RARA: variants seen among roughly 807,000 people sequenced by gnomAD.
RARA encodes the protein PML-DDX5-RARA fusion.
In RARA, 5 loss-of-function variants were observed where a neutral mutation model predicts 42.8. The observed-to-expected ratio is 0.12, with a 90% CI of 0.06 to 0.25. The LOEUF is 0.25. Ranked by LOEUF, RARA falls within the 10% of genes least tolerant of loss-of-function variation. The pLI, the probability that RARA is intolerant of heterozygous loss-of-function variation, is 1.00. For missense variants in RARA, 402 were observed against 628.7 expected (o/e 0.64, Z 3.86); for synonymous variants, 256 against 259.5 (o/e 0.99, Z 0.13).
chr17:40,353,504 C>A (rs540360441), intron 6 of RARA, among the ~76,000 whole-genome samples: 1 of 152,286 alleles, frequency 6.6e-6, no homozygotes, highest in East Asian at 1.9e-4. Context: ...GGCTGGAGTG[C>A]AGTAGTATGA....
intron 1 of RARA, among the ~76,000 whole-genome samples, chr17:40,309,554 C>T (rs1036926221): frequency 2.0e-5 from 3 of 152,324 alleles, no homozygotes; most frequent in Admixed American, 1.3e-4. Context: ...AAGGTCTGCC[C>T]AGGCCCCACG....
In RARA at chr17:40,351,350, C is replaced by T. The variant is rs951208745; in HGVS notation, c.470-560C>T. The stretch of plus-strand genomic sequence containing the variant: ...AACGACCCCATCGCTTCTTTAAAGC[C>T]GAGTGGTGTGTGCGGCTCAGCGCCC... On this transcript the variant is annotated intron_variant, in intron 4 of 8. Transcript: ENST00000254066. The surrounding 1 kb of genome is among the most constrained non-coding windows in gnomAD (Gnocchi z 4.1). 13 of 338,250 alleles carry T rather than the reference C, an allele frequency of 3.8e-5. No individual in the cohort carries two copies. Among genetic ancestry groups the T allele is most frequent in the Admixed American group, 7.7e-5 (2 of 26,004 alleles). 21.0% of individuals were successfully genotyped at this position (338,250 alleles called of 1,614,324 possible). A position where few individuals can be genotyped will look rare whatever the true frequency, so the allele number is the denominator to read the frequency against.
At chr17:40,334,411 C>G (rs1174572424) in intron 2 of RARA, among the ~76,000 whole-genome samples, 2 of 152,206 alleles carry the variant, frequency 1.3e-5, no homozygotes, top group Non-Finnish European at 2.9e-5. Context: ...GAGCTTCTCA[C>G]TGACCTTCCT....
chr17:40,333,642 C>CT (rs879495055), intron 2 of RARA, among the ~76,000 whole-genome samples: 78 of 141,604 alleles, frequency 5.5e-4, no homozygotes, highest in South Asian at 1.8e-3. Context: ...GGCTTTCTTT[C>CT]TTTTTTTTTT....
chr17:40,329,535 G>T (rs535521000), intron 1 of RARA, among the ~76,000 whole-genome samples: 1 of 152,256 alleles, frequency 6.6e-6, no homozygotes, highest in South Asian at 2.1e-4. Context: ...GGTCAGGCTG[G>T]TCTCAAACTC....
chr17:40,342,444 G>A, intron 2 of RARA: 2 of 1,202,134 alleles, frequency 1.7e-6, no homozygotes, highest in Non-Finnish European at 2.1e-6. Flanking sequence ...CCCGGGCCCC[G>A]CCAGGCTTCC....
intron 2 of RARA, chr17:40,342,986 T>G: frequency 1.4e-6 from 2 of 1,469,078 alleles, no homozygotes; most frequent in East Asian, 4.8e-5. Flanking sequence ...TACCTTTCAC[T>G]TAACCCGTGT....
At chr17:40,342,812 C>G in intron 2 of RARA, 1 of 1,613,082 alleles carries the variant, frequency 6.2e-7, no homozygotes, top group Non-Finnish European at 8.5e-7. Flanking sequence ...GGCTCCCCGC[C>G]CCGGGTCCGT....
chr17:40,314,873 G>T (rs1264319045), intron 1 of RARA, among the ~76,000 whole-genome samples: 1 of 151,876 alleles, frequency 6.6e-6, no homozygotes, highest in Non-Finnish European at 1.5e-5. Flanking sequence ...CTTGTGGTGG[G>T]GGTGGAGGGC....
In RARA at chr17:40,355,453, C is replaced by G. The variant is rs765217779; in HGVS notation, c.1171+32C>G. ...CTCACAGACCTGGAGGGGTACCGGC[C>G]CCCGACACCTGGCCCAGGCCCCCAC... On this transcript the variant is annotated intron_variant, in intron 8 of 8. Transcript: ENST00000254066. The surrounding 1 kb of genome is among the most constrained non-coding windows in gnomAD (Gnocchi z 4.1). The G allele has an allele frequency of 1.9e-6, 3 of 1,586,456 alleles. No individual in the cohort carries two copies. In the South Asian group the frequency reaches 3.4e-5, roughly 18 times the overall value.
At chr17:40,341,261 A>C in intron 2 of RARA, 21 of 1,279,062 alleles carry the variant, frequency 1.6e-5, no homozygotes, top group Non-Finnish European at 2.0e-5. Context: ...TTCCCCAGCT[A>C]GGAGACACCT....
intron 1 of RARA, among the ~76,000 whole-genome samples, chr17:40,321,831 A>G (rs1340829899): frequency 6.6e-6 from 1 of 152,140 alleles, no homozygotes; most frequent in East Asian, 1.9e-4. Flanking sequence ...CCACCCCCCC[A>G]ACTGGATATG....
rs2034635393 is a variant in RARA, at chr17:40,356,505, G to A, written c.*279G>A. The A allele has an allele frequency of 3.0e-6, 2 of 670,328 alleles. No homozygotes were observed. The highest frequency in any genetic ancestry group is 3.0e-5 in the South Asian group (2 of 66,468). The allele number at this position is 670,328 out of a possible 1,614,324, so 41.5% of individuals were successfully genotyped here. ...CCTGGGTCTCAGGATGGGTCCTGGGGGCCTCGTGTTCATCAAGACACCCCT... is the reference window on the plus strand; with the variant it reads ...CCTGGGTCTCAGGATGGGTCCTGGGAGCCTCGTGTTCATCAAGACACCCCT... On this transcript the variant is annotated 3_prime_UTR_variant, in exon 9 of 9. Transcript: ENST00000254066.
chr17:40,311,569 C>A (rs575222644), intron 1 of RARA, among the ~76,000 whole-genome samples: 1 of 152,156 alleles, frequency 6.6e-6, no homozygotes, highest in Non-Finnish European at 1.5e-5. Context: ...TCATCTAGCC[C>A]CTTTGGCCAG....
chr17:40,329,310 GT>G (rs113191545), intron 1 of RARA, among the ~76,000 whole-genome samples: 102 of 141,918 alleles, frequency 7.2e-4, no homozygotes, highest in Admixed American at 7.0e-4. Flanking sequence ...TTGTGTGTGT[GT>G]TTTTTTTTTT....
rs980367810 is a variant in RARA, at chr17:40,351,819, C to T, written c.470-91C>T. 1.3e-5 allele frequency: 19 copies of T among 1,518,916 alleles called. No individual in the cohort carries two copies. Among genetic ancestry groups the T allele is most frequent in the Middle Eastern group, 2.2e-4 (1 of 4,568 alleles). 94.1% of individuals were successfully genotyped at this position (1,518,916 alleles called of 1,614,324 possible). A position where few individuals can be genotyped will look rare whatever the true frequency, so the allele number is the denominator to read the frequency against. The stretch of plus-strand genomic sequence containing the variant: ...CGTGCTTACAAGCCTGGGTGACCTC[C>T]TCAGCAGCTGGCAGCTCTCTGTCAG... On this transcript the variant is annotated intron_variant, in intron 4 of 8. Coordinates refer to ENST00000254066, the MANE Select transcript of RARA (RefSeq NM_000964.4). This position sits in a 1 kb window ranked among gnomAD's most constrained non-coding sequence, Gnocchi z 4.1.
intron 1 of RARA, among the ~76,000 whole-genome samples, chr17:40,313,997 G>A (rs2033144152): frequency 6.6e-6 from 1 of 152,104 alleles, no homozygotes; most frequent in African/African-American, 2.4e-5. Flanking sequence ...CCAGAGCACT[G>A]AGCACAGGAA....
Position 40,354,712 on chromosome 17 carries a change from G to C in RARA, c.1012+206G>C, listed in dbSNP as rs971675011. Among the ~76,000 whole-genome samples the C allele has an allele frequency of 6.6e-6, 1 of 152,210 alleles. No homozygotes were observed. Among genetic ancestry groups the C allele is most frequent in the Non-Finnish European group, 1.5e-5 (1 of 68,030 alleles). ...CACCCCTTCTAGGGAGGTTAAGAGT[G>C]AGGGTTTGAGGGTCGGACCAACCAG... is the stretch of plus-strand genomic sequence containing the variant. On this transcript the variant is annotated intron_variant, in intron 7 of 8. Transcript: ENST00000254066. The surrounding 1 kb of genome is among the most constrained non-coding windows in gnomAD (Gnocchi z 4.5).
rs145697301 is a variant in RARA at position 40,311,638 on chromosome 17, C to G, written c.-363+2352C>G. Among the ~76,000 whole-genome samples, 128 of 152,346 alleles carry G rather than the reference C, an allele frequency of 8.4e-4. 2 individuals carry two copies. Among genetic ancestry groups the G allele is most frequent in the African/African-American group, 2.9e-3 (122 of 41,588 alleles). ...ATGTCTGCCTCAATCTGGGCTGTTT[C>G]CTCCCCTCCAAGATATTTCACTGTC... On this transcript the variant is annotated intron_variant, in intron 1 of 8. Coordinates refer to ENST00000254066, the MANE Select transcript of RARA (RefSeq NM_000964.4).
Sources: allele counts gnomAD v4.1 joint callset (sites outside exome capture counted in the v4.1 genomes callset), GRCh38; gene constraint gnomAD v4.1.1; non-coding constraint Gnocchi (gnomAD v3.1); transcripts MANE v1.5; gene names NCBI Gene and HGNC (gene_info 2026-07-23, HGNC 2026-07-21).